DNAJB4: variants seen among roughly 807,000 people sequenced by gnomAD.
DNAJB4 encodes the protein dnaJ homolog subfamily B member 4.
DNAJB4 carries 10 observed loss-of-function variants against 26.6 expected under a neutral mutation model. The ratio of observed to expected loss-of-function variants is 0.38; its 90% CI spans 0.23 to 0.64. The LOEUF (loss-of-function observed/expected upper bound fraction) is 0.64, where lower values mean the gene tolerates loss of function less well. Among genes scored for constraint, DNAJB4 ranks in the 30% least tolerant of loss-of-function variants. The probability of loss-of-function intolerance (pLI) is 0.58; values close to 1 mark genes in which losing one functional copy is unlikely to be tolerated. For missense variants in DNAJB4, 328 were observed against 408.2 expected, an observed-to-expected ratio of 0.80 and a Z score of 1.69; for synonymous variants, 136 against 134.8, an observed-to-expected ratio of 1.01 and a Z score of -0.06.
intron 1 of DNAJB4, among the ~76,000 whole-genome samples, chr1:78,012,149 CTTTT>C (rs1557511735): frequency 1.8e-5 from 2 of 113,268 alleles, no homozygotes; most frequent in African/African-American, 6.7e-5. Context: ...TTTTCTTTTT[CTTTT>C]CTTTTCTTTT....
chr1:78,005,270 G>A lies in DNAJB4; in HGVS notation c.160G>A (p.Val54Ile), dbSNP rs1660299878. ...KFKEVAEAYE[V>I]LSDPKKREIY... ...TAAAGAGGTCGCAGAAGCTTATGAA[G>A]TATTGAGTGATCCTAAAAAGAGAGA... The change falls in exon 1 of 3, where the codon GTA (valine) becomes ATA (isoleucine). Residue 54 changes from valine to isoleucine, a missense_variant. Physicochemically the swap from Val to Ile is conservative, Grantham distance 29. Coordinates refer to ENST00000370763, the MANE Select transcript of DNAJB4 (RefSeq NM_007034.5). 3 of 1,613,850 alleles carry A rather than the reference G, an allele frequency of 1.9e-6. No homozygotes were observed. Among genetic ancestry groups the A allele is most frequent in the Non-Finnish European group, 2.5e-6 (3 of 1,179,958 alleles).
chr1:78,013,577 T>C lies in DNAJB4; in HGVS notation c.738T>C (p.Asp246=). The C allele has an allele frequency of 6.2e-7, 1 of 1,607,244 alleles. No homozygotes were observed. Among genetic ancestry groups the C allele is most frequent in the South Asian group, 1.1e-5 (1 of 90,042 alleles). Residue 246 remains aspartate (D), a synonymous_variant, in exon 2 of 3, where the codon GAT becomes GAC. Transcript: ENST00000370763. The part of the protein sequence containing the change: ...KDKDHPKFKR[D]GSNIIYTAKI... ...AAGATCATCCAAAATTTAAAAGGGA[T>C]GGATCAAATATAATTTATACTGCTA...
intron 2 of DNAJB4, among the ~76,000 whole-genome samples, 159 bp downstream of exon 2, chr1:78,013,778 T>C (rs985293685): frequency 6.6e-6 from 1 of 152,160 alleles, no homozygotes; most frequent in Non-Finnish European, 1.5e-5. Flanking sequence ...ATACCTCTTT[T>C]ATGGATGTGA....
At chr1:78,013,724 T>A in intron 2 of DNAJB4, 105 bp downstream of exon 2, 1 of 859,128 alleles carries the variant, frequency 1.2e-6, no homozygotes, top group Non-Finnish European at 1.7e-6. Context: ...TATTATACGT[T>A]AAAAATAATT....
At chr1:78,009,632 T>C (rs1420161069) in intron 1 of DNAJB4, among the ~76,000 whole-genome samples, 2 of 152,262 alleles carry the variant, frequency 1.3e-5, no homozygotes, top group Non-Finnish European at 2.9e-5. Flanking sequence ...ACATTACTTA[T>C]AATTTTATGT....
intron 2 of DNAJB4, among the ~76,000 whole-genome samples, chr1:78,015,550 CTTTTTTTTTT>C (rs766899519): frequency 6.9e-5 from 4 of 57,810 alleles, no homozygotes; most frequent in South Asian, 5.2e-4. Flanking sequence ...TTTCTTTCTT[CTTTTTTTTTT>C]TTTTTTTTGA....
chr1:78,003,963 C>T (rs1036479583), upstream of DNAJB4, among the ~76,000 whole-genome samples: 2 of 151,880 alleles, frequency 1.3e-5, no homozygotes, highest in Non-Finnish European at 2.9e-5. Flanking sequence ...CCAAAATCTC[C>T]AACAATGAAT....
At position 78,013,174 on chromosome 1, in the gene DNAJB4, T is replaced by C; in HGVS notation, c.335T>C (p.Phe112Ser). 2 of 1,614,158 alleles carry C rather than the reference T, an allele frequency of 1.2e-6. No homozygotes were observed. The highest frequency in any genetic ancestry group is 1.7e-6 in the Non-Finnish European group (2 of 1,180,038). The change falls in exon 2 of 3, where the codon TTT (phenylalanine) becomes TCT (serine). Residue 112 changes from phenylalanine (F) to serine (S), a missense_variant. Transcript: ENST00000370763. ...FGGSNPFEIFFGRRMGGGRDS... is the reference protein window; with the variant it reads ...FGGSNPFEIFSGRRMGGGRDS... ...GGGTCCAACCCCTTTGAAATTTTCT[T>C]TGGAAGACGAATGGGTGGTGGTAGA... is the stretch of plus-strand genomic sequence containing the variant.
chr1:77,982,636 A>G (rs375520327), intron 1 of DNAJB4, among the ~76,000 whole-genome samples: 2 of 152,218 alleles, frequency 1.3e-5, no homozygotes, highest in South Asian at 2.1e-4. Context: ...CGGCTCTACT[A>G]AAAATACAAA....
At chr1:77,980,381 G>A (rs866072685) in intron 1 of DNAJB4, 1 of 147,796 alleles carries the variant, frequency 6.8e-6, no homozygotes, top group African/African-American at 2.5e-5. Flanking sequence ...GTGTAAATTG[G>A]TATTTTATGT....
rs35421680 is a variant in DNAJB4 at position 77,999,430 on chromosome 1, G to GTT, written c.-31-5637_-31-5636dup. On this transcript the variant is annotated intron_variant, in intron 1 of 2. Transcript: ENST00000426517. Reference sequence around the variant, plus strand: ...TTATTATGGGGAAGGCATAGAACAGGTTTTTTTTTTTTTTAACACTGAGAA... The same window carrying GTT: ...TTATTATGGGGAAGGCATAGAACAGGTTTTTTTTTTTTTTTTAACACTGAGAA... Among the ~76,000 whole-genome samples the GTT allele has an allele frequency of 2.9e-3, 415 of 145,132 alleles. 4 individuals carry two copies. Among genetic ancestry groups the GTT allele is most frequent in the Non-Finnish European group, 2.6e-3 (169 of 66,178 alleles).
intron 1 of DNAJB4, among the ~76,000 whole-genome samples, chr1:78,005,840 GAC>G (rs1660318157): frequency 6.6e-6 from 1 of 152,188 alleles, no homozygotes; most frequent in Non-Finnish European, 1.5e-5. Flanking sequence ...GACTGAACAA[GAC>G]AGAGTTGTGA....
intron 1 of DNAJB4, 31 bp downstream of exon 1, chr1:78,005,352 T>C: frequency 6.7e-7 from 1 of 1,496,610 alleles, no homozygotes; most frequent in Non-Finnish European, 8.8e-7. Flanking sequence ...TTTCTGTCTC[T>C]TCAGCTCTGT....
intron 1 of DNAJB4, among the ~76,000 whole-genome samples, chr1:77,982,560 T>TGCCTGTAATCCTAGCACTTTGGGAG (rs146270364): frequency 0.9 from 136,246 of 151,786 alleles, 61,255 homozygotes; most frequent in Non-Finnish European, 0.93. Flanking sequence ...AGGTGCCTCA[T>TGCCTGTAATCCTAGCACTTTGGGAG]GCCGAGGCGG....
intron 1 of DNAJB4, among the ~76,000 whole-genome samples, chr1:78,007,463 C>T (rs1571443057): frequency 6.6e-6 from 1 of 152,116 alleles, no homozygotes; most frequent in South Asian, 2.1e-4. Context: ...CACCTCTAAT[C>T]CCAGCTACTT....
chr1:77,993,456 A>G (rs570515746), intron 1 of DNAJB4, among the ~76,000 whole-genome samples: 11 of 151,906 alleles, frequency 7.2e-5, no homozygotes, highest in Non-Finnish European at 1.5e-4. Context: ...TGGGACTACA[A>G]GTGTGTGCCA....
At chr1:78,015,513 C>G (rs1183500877) in intron 2 of DNAJB4, among the ~76,000 whole-genome samples, 29 of 69,624 alleles carry the variant, frequency 4.2e-4, no homozygotes, top group African/African-American at 1.5e-3. Flanking sequence ...TCCTTTTTTT[C>G]TTTTCTTTTC....
chr1:77,988,859 C>G (rs902022769), intron 1 of DNAJB4, among the ~76,000 whole-genome samples: 4 of 152,252 alleles, frequency 2.6e-5, no homozygotes, highest in African/African-American at 9.6e-5. Context: ...CATACTGTAT[C>G]CCTAGCACCT....
intron 1 of DNAJB4, among the ~76,000 whole-genome samples, chr1:77,998,121 T>C (rs1045875603): frequency 2.0e-5 from 3 of 152,188 alleles, no homozygotes; most frequent in African/African-American, 7.2e-5. Flanking sequence ...ATTTCGTTAT[T>C]AACTTTTTAT....
Sources: gnomAD v4.1 joint callset for allele counts (sites outside exome capture counted in the v4.1 genomes callset) on GRCh38, gnomAD v4.1.1 for gene constraint, MANE v1.5 for transcripts, NCBI Gene and HGNC (gene_info 2026-07-23, HGNC 2026-07-21) for gene names.